The following SYT1 variants were observed in gnomAD, a reference collection of about 807,000 sequenced individuals.
SYT1 encodes synaptotagmin-1.
A neutral mutation model predicts 44.8 loss-of-function variants in SYT1; 8 were observed. That is an observed-to-expected ratio of 0.18 (90% CI 0.10 to 0.32). SYT1 has a LOEUF of 0.32. Ranked by LOEUF, SYT1 falls within the 10% of genes least tolerant of loss-of-function variation. The probability of loss-of-function intolerance (pLI) is 1.00; values close to 1 mark genes in which losing one functional copy is unlikely to be tolerated. For synonymous variants in SYT1, 154 were observed against 188.8 expected, an observed-to-expected ratio of 0.82 and a Z score of 1.51; for missense variants, 286 against 509.3, an observed-to-expected ratio of 0.56 and a Z score of 4.22.
At chr12:79,173,458 AATGT>A (rs1871673173) in intron 3 of SYT1, among the ~76,000 whole-genome samples, 1 of 152,090 alleles carries the variant, frequency 6.6e-6, no homozygotes, top group South Asian at 2.1e-4. Flanking sequence ...AAAAGATGTA[AATGT>A]TGCTCCTTTT....
At chr12:78,977,553 T>A (rs1868937228) in intron 1 of SYT1, 1 of 152,236 alleles carries the variant, frequency 6.6e-6, no homozygotes, top group Non-Finnish European at 1.5e-5. Context: ...ATGAAAAAGT[T>A]GCTCTTTTGA....
chr12:79,303,738 G>GAAGAATACA (rs1880257614), intron 8 of SYT1, among the ~76,000 whole-genome samples: 1 of 152,150 alleles, frequency 6.6e-6, no homozygotes, highest in African/African-American at 2.4e-5. Flanking sequence ...AAAAGCATGT[G>GAAGAATACA]AAGAATACAT....
At chr12:79,395,777 A>G (rs1036961935) in intron 9 of SYT1, among the ~76,000 whole-genome samples, 1 of 150,382 alleles carries the variant, frequency 6.6e-6, no homozygotes, top group African/African-American at 2.4e-5. Context: ...GAGCATAATA[A>G]AAGGGGGAAA....
chr12:78,973,777 A>T (rs1297570651), intron 1 of SYT1, among the ~76,000 whole-genome samples: 1 of 151,240 alleles, frequency 6.6e-6, no homozygotes, highest in Non-Finnish European at 1.5e-5. Context: ...CTCATTCAAG[A>T]TGTATTTACT....
intron 1 of SYT1, among the ~76,000 whole-genome samples, chr12:78,934,289 A>G (rs1411359858): frequency 2.0e-5 from 3 of 151,946 alleles, no homozygotes; most frequent in East Asian, 1.9e-4. Flanking sequence ...TAATTGAATC[A>G]CAGGGTGAAT....
At chr12:79,117,841 T>G (rs567403788) in intron 3 of SYT1, among the ~76,000 whole-genome samples, 2 of 151,226 alleles carry the variant, frequency 1.3e-5, no homozygotes, top group Admixed American at 1.3e-4. Flanking sequence ...TAAATACTTT[T>G]GTATGAAATT....
intron 3 of SYT1, among the ~76,000 whole-genome samples, chr12:79,090,713 A>C (rs2138000017): frequency 6.6e-6 from 1 of 152,162 alleles, no homozygotes; most frequent in East Asian, 1.9e-4. Flanking sequence ...GACTCAAAGA[A>C]GGGCCTAAGG....
chr12:79,240,347 T>G (rs1876429876), intron 4 of SYT1, among the ~76,000 whole-genome samples: 1 of 152,216 alleles, frequency 6.6e-6, no homozygotes, highest in Non-Finnish European at 1.5e-5. Context: ...CTCATTTTCT[T>G]CTCTCCTTCT....
intron 9 of SYT1, among the ~76,000 whole-genome samples, chr12:79,358,432 G>T (rs754441898): frequency 1.3e-5 from 2 of 152,044 alleles, no homozygotes. Context: ...TTCTCATGTG[G>T]TTCTCATGAT....
At chr12:79,429,390 A>G (rs1869640688) in intron 9 of SYT1, among the ~76,000 whole-genome samples, 1 of 149,296 alleles carries the variant, frequency 6.7e-6, no homozygotes. Flanking sequence ...TATTTTTATT[A>G]GAGAGATGGG....
intron 8 of SYT1, among the ~76,000 whole-genome samples, chr12:79,315,949 A>C (rs920731814): frequency 1.3e-5 from 2 of 152,210 alleles, no homozygotes; most frequent in African/African-American, 4.8e-5. Context: ...GCTTGTTTTC[A>C]TACTGTAGCT....
chr12:79,308,493 A>G (rs1251720133), intron 8 of SYT1, among the ~76,000 whole-genome samples: 2 of 151,904 alleles, frequency 1.3e-5, no homozygotes, highest in Admixed American at 6.6e-5. Context: ...CTATACAACA[A>G]GAGCGAAACT....
intron 8 of SYT1, among the ~76,000 whole-genome samples, chr12:79,300,147 C>T (rs1323253596): frequency 6.6e-6 from 1 of 152,010 alleles, no homozygotes; most frequent in East Asian, 1.9e-4. Context: ...ATAGTTTAGC[C>T]CAGTATTTTT....
At chr12:79,260,458 G>C (rs1877767164) in intron 4 of SYT1, among the ~76,000 whole-genome samples, 1 of 152,206 alleles carries the variant, frequency 6.6e-6, no homozygotes, top group Admixed American at 6.5e-5. Context: ...CTAATACCCA[G>C]AAAGTGACAG....
At chr12:79,245,268 A>T (rs1032830339) in intron 4 of SYT1, among the ~76,000 whole-genome samples, 2 of 147,786 alleles carry the variant, frequency 1.4e-5, no homozygotes, top group African/African-American at 5.0e-5. Context: ...GATCCTGACC[A>T]TCCTGGCTAA....
chr12:78,963,892 C>G (rs1879640906), intron 1 of SYT1: 1 of 152,132 alleles, frequency 6.6e-6, no homozygotes, highest in African/African-American at 2.4e-5. Flanking sequence ...CAGCAGTATT[C>G]ACAATAGCAA....
At chr12:79,105,077 G>T (rs182364741) in intron 3 of SYT1, among the ~76,000 whole-genome samples, 6 of 152,284 alleles carry the variant, frequency 3.9e-5, no homozygotes, top group Admixed American at 3.9e-4. Context: ...AACAGCTAGA[G>T]CCAAAATACA....
At chr12:79,313,779 A>G (rs1592957117) in intron 8 of SYT1, among the ~76,000 whole-genome samples, 1 of 152,252 alleles carries the variant, frequency 6.6e-6, no homozygotes, top group Admixed American at 6.5e-5. Flanking sequence ...AAATGGGATT[A>G]GTATTTACTC....
intron 9 of SYT1, among the ~76,000 whole-genome samples, chr12:79,365,832 C>CAAAAAAAAAAAA (rs564762793): frequency 2.1e-5 from 1 of 48,558 alleles, no homozygotes; most frequent in African/African-American, 3.6e-4. Flanking sequence ...CAAAGAGTAC[C>CAAAAAAAAAAAA]AGAAAAAAAA....
Sources: gnomAD v4.1 joint callset for allele counts (sites outside exome capture counted in the v4.1 genomes callset) on GRCh38, gnomAD v4.1.1 for gene constraint, MANE v1.5 for transcripts, NCBI Gene and HGNC (gene_info 2026-07-23, HGNC 2026-07-21) for gene names.